AFF1: variants seen among roughly 807,000 people sequenced by gnomAD.
The protein encoded by AFF1 is ALF transcription elongation factor 1, also known as AF4/FMR2 family member 1.
A neutral mutation model predicts 121.7 loss-of-function variants in AFF1; 48 were observed. That is an observed-to-expected ratio of 0.39 (90% CI 0.31 to 0.50). The LOEUF is 0.50. Among genes scored for constraint, AFF1 ranks in the 20% least tolerant of loss-of-function variants. AFF1 has a pLI of 0.76. For synonymous variants in AFF1, 613 were observed against 563.0 expected (o/e 1.09, Z -1.26); for missense variants, 1,523 against 1,511.7 (o/e 1.01, Z -0.12).
At chr4:87,080,018 T>C (rs1035655835) in intron 4 of AFF1, among the ~76,000 whole-genome samples, 2 of 152,210 alleles carry the variant, frequency 1.3e-5, no homozygotes, top group Non-Finnish European at 2.9e-5. Context: ...AAGTACAAAA[T>C]GCATTCAATA....
In AFF1 at chr4:87,047,078, C is replaced by G. The variant is rs1173973027; in HGVS notation, c.543C>G (p.His181Gln). ...AGGAGGGGTTCGGCTCTAGTCATCA[C>G]AAGAAAGGTGACCGAAGAGCTGACG... ...LGQEGFGSSH[H>Q]KKGDRRADGD... Residue 181 changes from histidine to glutamine, a missense_variant, in exon 4 of 21, where the codon CAC becomes CAG. By Grantham distance (24) the His-to-Gln change is conservative. Around this residue, in one of 5 missense-constraint regions of AFF1, gnomAD observed 369 missense variants for 367.2 expected, o/e 1.00. Coordinates refer to ENST00000395146, the MANE Select transcript of AFF1 (RefSeq NM_001166693.3). 1 of 1,614,186 alleles carries G rather than the reference C, an allele frequency of 6.2e-7. No individual in the cohort carries two copies. Among genetic ancestry groups the G allele is most frequent in the Non-Finnish European group, 8.5e-7 (1 of 1,180,040 alleles).
At chr4:87,071,084 G>A (rs1721993696) in intron 4 of AFF1, among the ~76,000 whole-genome samples, 1 of 151,864 alleles carries the variant, frequency 6.6e-6, no homozygotes, top group Non-Finnish European at 1.5e-5. Flanking sequence ...TTTTTAGTAA[G>A]AACTATGTTA....
intron 19 of AFF1, among the ~76,000 whole-genome samples, chr4:87,133,148 A>G (rs1728990166): frequency 6.6e-6 from 1 of 152,250 alleles, no homozygotes; most frequent in Admixed American, 6.5e-5. Context: ...ATGCCACACC[A>G]GCAATACTAA....
chr4:87,053,988 A>G (rs1731510977), intron 4 of AFF1, among the ~76,000 whole-genome samples: 1 of 152,238 alleles, frequency 6.6e-6, no homozygotes, highest in Non-Finnish European at 1.5e-5. Flanking sequence ...AAGCAGTGTC[A>G]GTATTCCAGG....
intron 2 of AFF1, among the ~76,000 whole-genome samples, chr4:87,009,533 G>A (rs1172835589): frequency 6.6e-6 from 1 of 152,160 alleles, no homozygotes; most frequent in African/African-American, 2.4e-5. Flanking sequence ...GACATGCCCT[G>A]GAACTAGGAA....
chr4:86,957,878 A>T (rs1034551957), intron 2 of AFF1, among the ~76,000 whole-genome samples: 2 of 152,142 alleles, frequency 1.3e-5, no homozygotes, highest in African/African-American at 2.4e-5. Flanking sequence ...TGCCATACTT[A>T]AAAAAACAAA....
At chr4:86,948,917 C>G (rs919005101) in intron 2 of AFF1, among the ~76,000 whole-genome samples, 2 of 152,082 alleles carry the variant, frequency 1.3e-5, no homozygotes, top group African/African-American at 4.8e-5. Context: ...AATAAATAAA[C>G]AAATCCATCT....
In AFF1 at chr4:87,089,993, C is replaced by T. The variant is rs768569809; in HGVS notation, c.1114C>T (p.His372Tyr). The part of the protein sequence containing the change: ...CVEEILKEMT[H>Y]SWPPPLTAIH... ...CCAAATATCTTTCCAGGAAATGACC[C>T]ATTCATGGCCGCCTCCTTTGACAGC... is the stretch of plus-strand genomic sequence containing the variant. The change falls in exon 6 of 21, where the codon CAT becomes TAT. Residue 372 changes from histidine (H) to tyrosine (Y), a missense_variant. Around this residue, in one of 5 missense-constraint regions of AFF1, gnomAD observed 905 missense variants for 842.5 expected, o/e 1.07. Coordinates refer to ENST00000395146, the MANE Select transcript of AFF1 (RefSeq NM_001166693.3). The T allele has an allele frequency of 8.1e-6, 13 of 1,613,280 alleles. No homozygotes were observed. The highest frequency in any genetic ancestry group is 2.2e-5 in the East Asian group (1 of 44,872).
At position 86,945,497 on chromosome 4, in the gene AFF1, A is replaced by ATTTTTTTTT. The variant is rs34305215; in HGVS notation, c.-36-2985_-36-2977dup. ...GTGCCACCTTGCCCAGCCTTTCCCAATTTTTTTTTTTTTTTTTTTTTTTTA... is the reference window on the plus strand; with the variant it reads ...GTGCCACCTTGCCCAGCCTTTCCCAATTTTTTTTTTTTTTTTTTTTTTTTTTTTTTTTTA... On this transcript the variant is annotated intron_variant, in intron 1 of 20. Coordinates refer to ENST00000395146, the MANE Select transcript of AFF1 (RefSeq NM_001166693.3). 2.3e-3 allele frequency among the ~76,000 whole-genome samples: 199 copies of ATTTTTTTTT among 86,630 alleles called. 8 individuals are homozygous for ATTTTTTTTT. The highest frequency in any genetic ancestry group is 0.01 in the African/African-American group (196 of 19,154). 56.8% of individuals were successfully genotyped at this position (86,630 alleles called of 152,430 possible). A position where few individuals can be genotyped will look rare whatever the true frequency, so the allele number is the denominator to read the frequency against.
chr4:86,985,017 TAGAGA>T (rs1277244977), intron 2 of AFF1, among the ~76,000 whole-genome samples: 10 of 150,372 alleles, frequency 6.7e-5, no homozygotes, highest in South Asian at 6.2e-4. Context: ...AAGAAACAAA[TAGAGA>T]AAAGAGATAC....
At position 87,135,940 on chromosome 4, in the gene AFF1, T is replaced by G; in HGVS notation, c.*239T>G. 2.0e-6 allele frequency: 1 copy of G among 509,960 alleles called. No individual in the cohort carries two copies. The highest frequency in any genetic ancestry group is 2.0e-5 in the African/African-American group (1 of 51,182). 31.6% of individuals were successfully genotyped at this position (509,960 alleles called of 1,614,324 possible). A position where few individuals can be genotyped will look rare whatever the true frequency, so the allele number is the denominator to read the frequency against. ...CAGAGATGATCTTGCCCTTCCTAAC[T>G]AAAGGACAGAAGTGCAATTTAGCTT... On this transcript the variant is annotated 3_prime_UTR_variant, in exon 21 of 21. Transcript: ENST00000395146.
At chr4:87,016,574 T>A (rs913160469) in intron 2 of AFF1, among the ~76,000 whole-genome samples, 4 of 152,060 alleles carry the variant, frequency 2.6e-5, no homozygotes, top group African/African-American at 9.7e-5. Context: ...AAAGTGATTT[T>A]ATTGAAGTCT....
chr4:86,999,102 C>T (rs761510363), intron 2 of AFF1, among the ~76,000 whole-genome samples: 3 of 152,204 alleles, frequency 2.0e-5, no homozygotes, highest in African/African-American at 4.8e-5. Context: ...GGCATCACTA[C>T]TCCTTCGCAC....
In AFF1 at chr4:87,139,977, G is replaced by T. The variant is rs775597238; in HGVS notation, c.*4276G>T. 25 of 211,298 alleles carry T rather than the reference G, an allele frequency of 1.2e-4. No homozygotes were observed. In the Admixed American group the frequency reaches 1.3e-3, roughly 11 times the overall value. 13.1% of individuals were successfully genotyped at this position (211,298 alleles called of 1,614,324 possible). ...AAATTTCTTACTGTCAGGAGGAAAT[G>T]ACATTATATTCTGTTCCACTGAACG... On this transcript the variant is annotated 3_prime_UTR_variant, in exon 21 of 21. Coordinates refer to ENST00000395146, the MANE Select transcript of AFF1 (RefSeq NM_001166693.3).
Position 87,114,389 on chromosome 4 carries a change from A to G in AFF1, c.1556A>G (p.Lys519Arg), listed in dbSNP as rs888780356. 12 of 1,598,240 alleles carry G rather than the reference A, an allele frequency of 7.5e-6. No individual in the cohort carries two copies. The highest frequency in any genetic ancestry group is 1.0e-5 in the Non-Finnish European group (12 of 1,176,360). The change falls in exon 12 of 21, where the codon AAA (lysine) becomes AGA (arginine). Residue 519 changes from lysine to arginine, a missense_variant. Physicochemically the swap from Lys to Arg is conservative, Grantham distance 26. Transcript: ENST00000395146. ...APEPEPPTTNKWQLDNWLTKV... is the reference protein window; with the variant it reads ...APEPEPPTTNRWQLDNWLTKV... ...TAGCCTGAGCCTCCAACAACAAACA[A>G]ATGGCAGCTGGACAACTGGCTGACC...
chr4:87,098,387 G>C (rs1254579213), intron 8 of AFF1, among the ~76,000 whole-genome samples: 1 of 152,180 alleles, frequency 6.6e-6, no homozygotes, highest in African/African-American at 2.4e-5. Flanking sequence ...AGGGCTCTTG[G>C]TTTTGGAATC....
At chr4:87,122,430 G>A (rs545505188) in intron 12 of AFF1, among the ~76,000 whole-genome samples, 4 of 152,268 alleles carry the variant, frequency 2.6e-5, no homozygotes, top group Admixed American at 1.3e-4. Context: ...TGTATGCTGC[G>A]CAGAGCCCTG....
intron 8 of AFF1, among the ~76,000 whole-genome samples, chr4:87,103,080 T>C (rs1725587965): frequency 6.6e-6 from 1 of 152,240 alleles, no homozygotes; most frequent in Admixed American, 6.5e-5. Flanking sequence ...TCTAATGGCA[T>C]TCATGATTAA....
In AFF1 at chr4:87,046,163, C is replaced by G. The variant is rs770126235; in HGVS notation, c.39-3C>G. 3 of 1,610,358 alleles carry G rather than the reference C, an allele frequency of 1.9e-6. No individual in the cohort carries two copies. The highest frequency in any genetic ancestry group is 2.5e-6 in the Non-Finnish European group (3 of 1,179,072). Reference sequence around the variant, plus strand: ...TTTCATTCTTTTGTGGCATCTGAAACAGTTTGTACAATGACGACAGAAACC... The same window carrying G: ...TTTCATTCTTTTGTGGCATCTGAAAGAGTTTGTACAATGACGACAGAAACC... On this transcript the variant is annotated splice_polypyrimidine_tract_variant and splice_region_variant and intron_variant, in intron 2 of 20. Transcript: ENST00000395146.
Sources: allele counts gnomAD v4.1 joint callset (sites outside exome capture counted in the v4.1 genomes callset), GRCh38; gene constraint gnomAD v4.1.1; regional missense constraint gnomAD v4.1.1; transcripts MANE v1.5; gene names NCBI Gene and HGNC (gene_info 2026-07-23, HGNC 2026-07-21).